LASP1: variants seen among roughly 807,000 people sequenced by gnomAD.
LASP1 encodes LIM and SH3 domain protein 1.
In LASP1, 10 loss-of-function variants were observed where a neutral mutation model predicts 38.6. The observed-to-expected ratio is 0.26, with a 90% CI of 0.16 to 0.44. The LOEUF (loss-of-function observed/expected upper bound fraction) is 0.44, where lower values mean the gene tolerates loss of function less well. Among genes scored for constraint, LASP1 ranks in the 20% least tolerant of loss-of-function variants. The probability of loss-of-function intolerance (pLI) is 1.00; values close to 1 mark genes in which losing one functional copy is unlikely to be tolerated. For synonymous variants in LASP1, 132 were observed against 140.8 expected (o/e 0.94, Z 0.44); for missense variants, 243 against 375.7 (o/e 0.65, Z 2.92).
intron 4 of LASP1, among the ~76,000 whole-genome samples, chr17:38,905,595 A>G (rs1241931932): frequency 2.6e-5 from 4 of 151,376 alleles, no homozygotes; most frequent in Non-Finnish European, 5.9e-5. Flanking sequence ...CTATTTTCCA[A>G]GTGGCTGCAC....
intron 2 of LASP1, among the ~76,000 whole-genome samples, chr17:38,889,996 T>C (rs1035830023): frequency 3.3e-5 from 5 of 152,252 alleles, no homozygotes; most frequent in African/African-American, 1.2e-4. Flanking sequence ...ATGGTCGGTC[T>C]CCACTTCTGG....
intron 1 of LASP1, among the ~76,000 whole-genome samples, chr17:38,871,685 T>C (rs1913613365): frequency 6.6e-6 from 1 of 151,904 alleles, no homozygotes; most frequent in African/African-American, 2.4e-5. Context: ...GGAGGTGGGG[T>C]TGGAGGTTCT....
chr17:38,892,590 A>C lies in LASP1; in HGVS notation c.249+2086A>C, dbSNP rs916715008. On this transcript the variant is annotated intron_variant, in intron 3 of 6. Coordinates refer to ENST00000318008, the MANE Select transcript of LASP1 (RefSeq NM_006148.4). ...CACACACACACACACACACACACAC[A>C]CCCTTCTCAGGGGAGAAATTCAAAC... Among the ~76,000 whole-genome samples the C allele has an allele frequency of 1.7e-4, 24 of 140,462 alleles. No homozygotes were observed. The South Asian group carries it at 2.8e-3, about 16-fold the overall frequency. The allele number at this position is 140,462 out of a possible 152,430, so 92.1% of individuals were successfully genotyped here. A position where few individuals can be genotyped will look rare whatever the true frequency, so the allele number is the denominator to read the frequency against.
intron 1 of LASP1, among the ~76,000 whole-genome samples, chr17:38,877,106 C>A (rs900135757): frequency 1.3e-5 from 2 of 152,368 alleles, no homozygotes; most frequent in African/African-American, 4.8e-5. Flanking sequence ...CCCTGACCCC[C>A]TCGGCTAAGG....
intron 6 of LASP1, chr17:38,915,867 C>T (rs1259839339): frequency 6.6e-6 from 1 of 152,242 alleles, no homozygotes; most frequent in African/African-American, 2.4e-5. Flanking sequence ...TCAGCGCCTC[C>T]AGGCTGGGTG....
chr17:38,904,072 G>A lies in LASP1; in HGVS notation c.357+5553G>A, dbSNP rs533312909. 2.0e-5 allele frequency: 3 copies of A among 152,168 alleles called. No individual in the cohort carries two copies. In the East Asian group the frequency reaches 5.8e-4, roughly 29 times the overall value. 9.4% of individuals were successfully genotyped at this position (152,168 alleles called of 1,614,324 possible). A position where few individuals can be genotyped will look rare whatever the true frequency, so the allele number is the denominator to read the frequency against. ...TTTGTGTCCTTAAAACTTTTTTTAT[G>A]TGTGAAATATGACACATAGTAACAT... On this transcript the variant is annotated intron_variant, in intron 4 of 6. Coordinates refer to ENST00000318008, the MANE Select transcript of LASP1 (RefSeq NM_006148.4).
chr17:38,870,839 C>CA (rs1913585583), intron 1 of LASP1, among the ~76,000 whole-genome samples: 2 of 152,180 alleles, frequency 1.3e-5, no homozygotes, highest in African/African-American at 4.8e-5. Flanking sequence ...CGCAAGAGCC[C>CA]CGTTTTTGAA....
At chr17:38,890,125 C>T (rs934755002) in intron 2 of LASP1, 5 of 360,790 alleles carry the variant, frequency 1.4e-5, no homozygotes, top group Non-Finnish European at 2.6e-5. Flanking sequence ...ACAAGGGTAA[C>T]CTTCAACCCT....
intron 3 of LASP1, among the ~76,000 whole-genome samples, chr17:38,891,618 G>C (rs573375260): frequency 6.6e-6 from 1 of 152,148 alleles, no homozygotes; most frequent in Non-Finnish European, 1.5e-5. Context: ...TGCTCCCGGC[G>C]TGTGAGCTCG....
chr17:38,887,180 G>A (rs1298043291), intron 2 of LASP1, among the ~76,000 whole-genome samples: 2 of 152,154 alleles, frequency 1.3e-5, no homozygotes, highest in African/African-American at 4.8e-5. Flanking sequence ...GAGTCTTCGA[G>A]TGCTGGGCCA....
chr17:38,918,505 C>G lies in LASP1; in HGVS notation c.613-100C>G. 8.3e-7 allele frequency: 1 copy of G among 1,209,180 alleles called. No homozygotes were observed. The highest frequency in any genetic ancestry group is 1.2e-6 in the Non-Finnish European group (1 of 863,888). 74.9% of individuals were successfully genotyped at this position (1,209,180 alleles called of 1,614,324 possible). ...TGCTCCATTTCTGAGTTCACTGCTC[C>G]CCCAGGCTCTGCTCCAGGGTCGTGG... is the stretch of plus-strand genomic sequence containing the variant. On this transcript the variant is annotated intron_variant, in intron 6 of 6. Transcript: ENST00000318008. The surrounding 1 kb of genome is among the most constrained non-coding windows in gnomAD (Gnocchi z 4.4).
At position 38,889,136 on chromosome 17, in the gene LASP1, G is replaced by C. The variant is rs184966271; in HGVS notation, c.165-1284G>C. Among the ~76,000 whole-genome samples the C allele has an allele frequency of 3.3e-4, 50 of 151,964 alleles. 1 individual carries two copies. Among genetic ancestry groups the C allele is most frequent in the Admixed American group, 3.3e-3 (50 of 15,272 alleles). ...TGTTTGTTTTTTTTTGTTTTGTTTT[G>C]TTTTTTCTTTTTGAGACGTAGTCTG... On this transcript the variant is annotated intron_variant, in intron 2 of 6. Coordinates refer to ENST00000318008, the MANE Select transcript of LASP1 (RefSeq NM_006148.4).
intron 3 of LASP1, among the ~76,000 whole-genome samples, chr17:38,894,927 AG>A (rs1322932345): frequency 6.6e-6 from 1 of 151,950 alleles, no homozygotes; most frequent in Non-Finnish European, 1.5e-5. Flanking sequence ...TAGTAGAGAC[AG>A]GGTTTCGTCA....
At chr17:38,890,116 C>T (rs1236053224) in intron 2 of LASP1, 1 of 335,200 alleles carries the variant, frequency 3.0e-6, no homozygotes, top group Non-Finnish European at 5.7e-6. Flanking sequence ...TATCCCCAAA[C>T]AAGGGTAACC....
chr17:38,914,579 C>T (rs1469717417), intron 5 of LASP1, 104 bp downstream of exon 5: 4 of 1,375,178 alleles, frequency 2.9e-6, no homozygotes, highest in Non-Finnish European at 3.9e-6. Context: ...CGGAGCCTTG[C>T]TCTTAATCAA....
Position 38,919,624 on chromosome 17 carries a change from T to TGTAGGGCAAGGGTGCCTC in LASP1, c.*847_*864dup, listed in dbSNP as rs1385703560. ...TAGGCTGGAAGCCATGGTCCCGAAG[T>TGTAGGGCAAGGGTGCCTC]GTAGGGCAAGGGTGCCTCAGGACCT... On this transcript the variant is annotated 3_prime_UTR_variant, in exon 7 of 7. Transcript: ENST00000318008. The TGTAGGGCAAGGGTGCCTC allele has an allele frequency of 2.1e-5, 6 of 290,454 alleles. No individual in the cohort carries two copies. The highest frequency in any genetic ancestry group is 2.7e-5 in the Non-Finnish European group (4 of 149,914). The allele number at this position is 290,454 out of a possible 1,614,324, so 18.0% of individuals were successfully genotyped here. A position where few individuals can be genotyped will look rare whatever the true frequency, so the allele number is the denominator to read the frequency against.
chr17:38,883,470 G>A (rs1291956769), intron 2 of LASP1, among the ~76,000 whole-genome samples: 4 of 152,168 alleles, frequency 2.6e-5, no homozygotes, highest in Non-Finnish European at 4.4e-5. Flanking sequence ...TCCCAAAATT[G>A]TCTGCCTCTA....
intron 2 of LASP1, among the ~76,000 whole-genome samples, chr17:38,888,416 T>A (rs1462491186): frequency 6.6e-6 from 1 of 152,146 alleles, no homozygotes; most frequent in Non-Finnish European, 1.5e-5. Flanking sequence ...TAGCTGGGAT[T>A]ACAGCTATGC....
Position 38,890,228 on chromosome 17 carries a change from G to A in LASP1, c.165-192G>A, listed in dbSNP as rs79105094. On this transcript the variant is annotated intron_variant, in intron 2 of 6. Coordinates refer to ENST00000318008, the MANE Select transcript of LASP1 (RefSeq NM_006148.4). ...CTGCTGCGTCTTCCCAGGTCAGCCA[G>A]TCCCAGCTGAGTCTGAGAAACGCTT... The A allele has an allele frequency of 4.6e-3, 2,690 of 585,070 alleles. 49 individuals carry two copies. The highest frequency in any genetic ancestry group is 0.044 in the African/African-American group (2,368 of 53,652). The allele number at this position is 585,070 out of a possible 1,614,324, so 36.2% of individuals were successfully genotyped here.
Sources: allele counts gnomAD v4.1 joint callset (sites outside exome capture counted in the v4.1 genomes callset), GRCh38; gene constraint gnomAD v4.1.1; non-coding constraint Gnocchi (gnomAD v3.1); transcripts MANE v1.5; gene names NCBI Gene and HGNC (gene_info 2026-07-23, HGNC 2026-07-21).